Variants in HTR1F observed in about 807,000 individuals in gnomAD.
The protein encoded by HTR1F is 5-hydroxytryptamine (serotonin) receptor 1F, G protein-coupled.
HTR1F carries 17 observed loss-of-function variants against 24.0 expected under a neutral mutation model. The observed-to-expected ratio is 0.71, with a 90% CI of 0.48 to 1.06. The LOEUF (loss-of-function observed/expected upper bound fraction) is 1.06. HTR1F is among the 50% of genes least tolerant of loss of function. The probability of loss-of-function intolerance (pLI) is 0.00; values close to 1 mark genes in which losing one functional copy is unlikely to be tolerated. For synonymous variants in HTR1F, 186 were observed against 156.8 expected (o/e 1.19, Z -1.39); for missense variants, 391 against 427.8 (o/e 0.91, Z 0.76).
intron 2 of HTR1F, among the ~76,000 whole-genome samples, chr3:87,942,830 T>C (rs574854753): frequency 5.9e-5 from 9 of 152,254 alleles, no homozygotes; most frequent in African/African-American, 2.2e-4. Flanking sequence ...ACAGGGTTTC[T>C]AAGTTTTGCT....
intron 2 of HTR1F, among the ~76,000 whole-genome samples, chr3:87,914,103 A>G (rs1421116772): frequency 1.3e-5 from 2 of 152,114 alleles, no homozygotes; most frequent in African/African-American, 4.8e-5. Flanking sequence ...GAAGGCCTAC[A>G]TTACAAGGGA....
chr3:87,991,586 A>T lies in HTR1F; in HGVS notation c.837A>T (p.Arg279Ser). Residue 279 changes from arginine (R) to serine (S), a missense_variant, in exon 3 of 3, where the codon AGA becomes AGT. Physicochemically the swap from Arg to Ser is moderately radical, Grantham distance 110. Transcript: ENST00000319595. ...AATTCAAGCATGAGAAATCTTGGAG[A>T]AGGCAAAAGATCTCAGGTACAAGAG... is the stretch of plus-strand genomic sequence containing the variant. The part of the protein sequence containing the change: ...RSEFKHEKSW[R>S]RQKISGTRER... 6.2e-7 allele frequency: 1 copy of T among 1,614,086 alleles called. No homozygotes were observed. The highest frequency in any genetic ancestry group is 8.5e-7 in the Non-Finnish European group (1 of 1,179,998).
At chr3:87,968,471 C>G (rs1265735180) in intron 2 of HTR1F, among the ~76,000 whole-genome samples, 1 of 152,156 alleles carries the variant, frequency 6.6e-6, no homozygotes, top group Non-Finnish European at 1.5e-5. Context: ...CTCACCCTCC[C>G]AAAGTGCTGG....
At chr3:87,865,969 G>T (rs959769881) in intron 2 of HTR1F, among the ~76,000 whole-genome samples, 1 of 151,960 alleles carries the variant, frequency 6.6e-6, no homozygotes, top group Non-Finnish European at 1.5e-5. Flanking sequence ...AATGAATGAG[G>T]GTTTCATTTG....
At chr3:87,976,019 A>G (rs1335541698) in intron 2 of HTR1F, among the ~76,000 whole-genome samples, 1 of 152,236 alleles carries the variant, frequency 6.6e-6, no homozygotes, top group Non-Finnish European at 1.5e-5. Flanking sequence ...AAATGTCAGT[A>G]TTAATCATTT....
At chr3:87,883,400 CA>C (rs1291574672) in intron 2 of HTR1F, among the ~76,000 whole-genome samples, 2 of 151,956 alleles carry the variant, frequency 1.3e-5, no homozygotes, top group Admixed American at 6.6e-5. Context: ...TTCTAAAAAC[CA>C]GGGCACCTCT....
intron 2 of HTR1F, among the ~76,000 whole-genome samples, chr3:87,982,802 T>A (rs1705575476): frequency 6.6e-6 from 1 of 152,164 alleles, no homozygotes; most frequent in African/African-American, 2.4e-5. Context: ...AATAGGGGTG[T>A]CTATTGCAAT....
At chr3:87,853,971 T>C (rs146703149) in intron 2 of HTR1F, among the ~76,000 whole-genome samples, 1 of 152,234 alleles carries the variant, frequency 6.6e-6, no homozygotes, top group East Asian at 1.9e-4. Flanking sequence ...TAGACCTTTG[T>C]CAGATGCATG....
At chr3:87,834,957 C>A (rs1704653148) in intron 2 of HTR1F, among the ~76,000 whole-genome samples, 1 of 152,124 alleles carries the variant, frequency 6.6e-6, no homozygotes, top group Non-Finnish European at 1.5e-5. Flanking sequence ...ATATCTGACC[C>A]TTTACAGAAA....
At chr3:87,953,458 C>T (rs1395683446) in intron 2 of HTR1F, among the ~76,000 whole-genome samples, 1 of 150,904 alleles carries the variant, frequency 6.6e-6, no homozygotes, top group Non-Finnish European at 1.5e-5. Flanking sequence ...CTAAACTTTA[C>T]TAATCATGAG....
chr3:87,889,985 G>A (rs1371332023), intron 2 of HTR1F, among the ~76,000 whole-genome samples: 3 of 152,154 alleles, frequency 2.0e-5, no homozygotes, highest in Non-Finnish European at 4.4e-5. Flanking sequence ...GTATAAAATT[G>A]TCAAAAGACA....
At chr3:87,914,026 G>A (rs549787101) in intron 2 of HTR1F, among the ~76,000 whole-genome samples, 13 of 152,216 alleles carry the variant, frequency 8.5e-5, no homozygotes, top group African/African-American at 2.4e-4. Context: ...TGCAGGACCC[G>A]GCAGACACCC....
At chr3:87,873,294 C>T (rs1444208882) in intron 2 of HTR1F, among the ~76,000 whole-genome samples, 1 of 151,940 alleles carries the variant, frequency 6.6e-6, no homozygotes, top group Non-Finnish European at 1.5e-5. Flanking sequence ...TGGTGTAAGT[C>T]CTAGTCCAAG....
chr3:87,967,588 G>T (rs1430951613), intron 2 of HTR1F, among the ~76,000 whole-genome samples: 2 of 2,954 alleles, frequency 6.8e-4, no homozygotes, highest in Non-Finnish European at 0.045. Flanking sequence ...TTGAATCATG[G>T]GGGGGGGTGG....
At position 87,800,869 on chromosome 3, in the gene HTR1F, A is replaced by C. The variant is rs148384890; in HGVS notation, c.-160+8027A>C. Among the ~76,000 whole-genome samples, 509 of 152,338 alleles carry C rather than the reference A, an allele frequency of 3.3e-3. 5 individuals carry two copies. Among genetic ancestry groups the C allele is most frequent in the Middle Eastern group, 0.01 (3 of 294 alleles). On this transcript the variant is annotated intron_variant, in intron 1 of 2. Transcript: ENST00000319595. Reference sequence around the variant, plus strand: ...ACTGTTTCATAAAATTAAAAGACAAAATAAAACCCCAGAGAAGTTTCCTAA... The same window carrying C: ...ACTGTTTCATAAAATTAAAAGACAACATAAAACCCCAGAGAAGTTTCCTAA...
At chr3:87,884,678 A>G (rs1705893298) in intron 2 of HTR1F, among the ~76,000 whole-genome samples, 1 of 152,068 alleles carries the variant, frequency 6.6e-6, no homozygotes, top group Non-Finnish European at 1.5e-5. Flanking sequence ...ATGGAAAGCA[A>G]AAAAAAGCAG....
chr3:87,966,414 G>T (rs1053430456), intron 2 of HTR1F, among the ~76,000 whole-genome samples: 1 of 152,126 alleles, frequency 6.6e-6, no homozygotes, highest in African/African-American at 2.4e-5. Context: ...TCCCATTTTT[G>T]TGAGCTTTTT....
intron 2 of HTR1F, among the ~76,000 whole-genome samples, chr3:87,973,003 TA>T (rs1705317937): frequency 2.2e-5 from 1 of 45,820 alleles, no homozygotes; most frequent in South Asian, 1.1e-3. Flanking sequence ...TCTACTAAAA[TA>T]CAAAAAAAAA....
intron 2 of HTR1F, among the ~76,000 whole-genome samples, chr3:87,853,037 T>G (rs770044451): frequency 4.6e-5 from 7 of 151,332 alleles, no homozygotes; most frequent in Non-Finnish European, 8.8e-5. Context: ...GATCAATTCC[T>G]CTCGATAGAT....
Sources: gnomAD v4.1 joint callset for allele counts (sites outside exome capture counted in the v4.1 genomes callset) on GRCh38, gnomAD v4.1.1 for gene constraint, MANE v1.5 for transcripts, NCBI Gene and HGNC (gene_info 2026-07-23, HGNC 2026-07-21) for gene names.